TPPP: variants seen among roughly 807,000 people sequenced by gnomAD.
TPPP encodes the protein tubulin polymerization promoting protein.
A neutral mutation model predicts 15.5 loss-of-function variants in TPPP; 6 were observed. That is an observed-to-expected ratio of 0.39 (90% CI 0.21 to 0.77). The LOEUF (loss-of-function observed/expected upper bound fraction) is 0.77. TPPP is among the 30% of genes least tolerant of loss of function. The pLI is 0.42. For synonymous variants in TPPP, 146 were observed against 133.9 expected (o/e 1.09, Z -0.63); for missense variants, 269 against 307.2 (o/e 0.88, Z 0.93).
chr5:688,667 C>A (rs1740827733), intron 1 of TPPP, among the ~76,000 whole-genome samples: 1 of 142,700 alleles, frequency 7.0e-6, no homozygotes, highest in African/African-American at 2.5e-5. Context: ...ACGAAGGTGG[C>A]AGGAACAAGC....
chr5:672,544 T>C (rs1415384187), intron 2 of TPPP, among the ~76,000 whole-genome samples: 1 of 152,190 alleles, frequency 6.6e-6, no homozygotes, highest in South Asian at 2.1e-4. Context: ...GATGGACCCA[T>C]AGGGGGCCAG....
At chr5:696,806 G>A (rs56333109), upstream of TPPP, among the ~76,000 whole-genome samples, 17,211 of 106,884 alleles carry the variant, frequency 0.16, 47 homozygotes, top group African/African-American at 0.31. Flanking sequence ...GTATGTGTGA[G>A]TATGCATGCC....
At chr5:668,951 A>G (rs1287045501) in intron 2 of TPPP, among the ~76,000 whole-genome samples, 1 of 152,182 alleles carries the variant, frequency 6.6e-6, no homozygotes, top group Non-Finnish European at 1.5e-5. Flanking sequence ...CCCAAGGCGG[A>G]TGCTGTGTTT....
upstream of TPPP, among the ~76,000 whole-genome samples, chr5:693,805 C>T (rs1740965361): frequency 6.7e-6 from 1 of 149,050 alleles, no homozygotes; most frequent in Admixed American, 6.7e-5. Flanking sequence ...CGGTGCGGGG[C>T]GAGCCCCGAC....
chr5:671,119 T>C (rs768592806), intron 2 of TPPP, among the ~76,000 whole-genome samples: 4 of 152,186 alleles, frequency 2.6e-5, no homozygotes, highest in Admixed American at 2.0e-4. Context: ...TCCGGAGGTC[T>C]GGCTACCGAA....
chr5:698,947 A>G, the TPPP span, among the ~76,000 whole-genome samples: 4 of 151,974 alleles, frequency 2.6e-5, no homozygotes, highest in Non-Finnish European at 4.4e-5. Context: ...ACCTAGATAT[A>G]TATTTAACCA....
intron 1 of TPPP, among the ~76,000 whole-genome samples, chr5:692,324 C>A (rs1740906580): frequency 7.7e-6 from 1 of 129,394 alleles, no homozygotes; most frequent in African/African-American, 2.9e-5. Flanking sequence ...CTCCCAACCC[C>A]CTATCAAAAC....
rs188923984 is a variant in TPPP, at chr5:682,862, T to C, written c.-4-4798A>G. ...TGGTGGACAGGCTGTGCTCACATCA[T>C]CAGCAGTGCTGGGTCAAAGCTGGAG... On this transcript the variant is annotated intron_variant, in intron 1 of 3. Transcript: ENST00000360578. 1.6e-3 allele frequency among the ~76,000 whole-genome samples: 238 copies of C among 152,326 alleles called. 2 individuals carry two copies. The highest frequency in any genetic ancestry group is 5.4e-3 in the African/African-American group (224 of 41,570).
At chr5:686,106 A>G (rs1478529645) in intron 1 of TPPP, among the ~76,000 whole-genome samples, 2 of 152,196 alleles carry the variant, frequency 1.3e-5, no homozygotes, top group Non-Finnish European at 2.9e-5. Flanking sequence ...ATGCCCAGCC[A>G]GTGCCCACCA....
rs1739509759 is a variant in TPPP, at chr5:659,911, G to A, written c.*5191C>T. On this transcript the variant is annotated 3_prime_UTR_variant, in exon 4 of 4. Transcript: ENST00000360578. ...TCACTTTACCAACTTGACACACAAT[G>A]TTAACGACAGCAGACACAGGAGCAG... The A allele has an allele frequency of 6.6e-6, 1 of 152,358 alleles. No individual in the cohort carries two copies. Among genetic ancestry groups the A allele is most frequent in the East Asian group, 1.9e-4 (1 of 5,336 alleles). The allele number at this position is 152,358 out of a possible 1,614,324, so 9.4% of individuals were successfully genotyped here.
chr5:694,484 GGGGTGCT>G (rs1352463970), upstream of TPPP, among the ~76,000 whole-genome samples: 50 of 125,880 alleles, frequency 4.0e-4, 1 homozygote, highest in Non-Finnish European at 7.2e-4. Context: ...AGGGGAAGTT[GGGGTGCT>G]GGGTGCTGGG....
Position 664,651 on chromosome 5 carries a change from C to A in TPPP, c.*451G>T, listed in dbSNP as rs558845329. 1 of 170,414 alleles carries A rather than the reference C, an allele frequency of 5.9e-6. No individual in the cohort carries two copies. The highest frequency in any genetic ancestry group is 1.5e-4 in the South Asian group (1 of 6,500). 10.6% of individuals were successfully genotyped at this position (170,414 alleles called of 1,614,324 possible). A position where few individuals can be genotyped will look rare whatever the true frequency, so the allele number is the denominator to read the frequency against. ...CCTCGGGCCCCACAGACACCTCCCA[C>A]GTCCGGTGTGGGGCCAATTCCGTGT... On this transcript the variant is annotated 3_prime_UTR_variant, in exon 4 of 4. Coordinates refer to ENST00000360578, the MANE Select transcript of TPPP (RefSeq NM_007030.3).
chr5:695,994 G>T (rs1437261738), upstream of TPPP, among the ~76,000 whole-genome samples: 2 of 109,432 alleles, frequency 1.8e-5, no homozygotes, highest in African/African-American at 3.6e-5. Flanking sequence ...CAGGTTCTGC[G>T]TCCGCAGTTG....
chr5:687,099 C>T (rs444327), intron 1 of TPPP, among the ~76,000 whole-genome samples: 8,882 of 111,672 alleles, frequency 0.08, 1,341 homozygotes, highest in Middle Eastern at 0.13. Context: ...GCTGCAGTGA[C>T]GCAGCCACAC....
the TPPP span, among the ~76,000 whole-genome samples, chr5:700,089 C>T: frequency 6.6e-6 from 1 of 152,120 alleles, no homozygotes; most frequent in South Asian, 2.1e-4. Context: ...AACCCCACTA[C>T]TCGGTATATA....
chr5:671,056 C>A (rs981218265), intron 2 of TPPP, among the ~76,000 whole-genome samples: 2 of 152,160 alleles, frequency 1.3e-5, no homozygotes, highest in Non-Finnish European at 2.9e-5. Context: ...GCTCTAACCC[C>A]AGGCACACCC....
chr5:678,977 T>C (rs973996553), intron 1 of TPPP, among the ~76,000 whole-genome samples: 3 of 152,004 alleles, frequency 2.0e-5, no homozygotes, highest in Non-Finnish European at 4.4e-5. Context: ...ACTCAGGGCA[T>C]GAAAGCTGCT....
At position 662,104 on chromosome 5, in the gene TPPP, A is replaced by T. The variant is rs1224466053; in HGVS notation, c.*2998T>A. Reference sequence around the variant, plus strand: ...GATGCACGCCACGATTTTCTCTCTCAGAGTGAAGGGACCACTTCTGTGAAT... The same window carrying T: ...GATGCACGCCACGATTTTCTCTCTCTGAGTGAAGGGACCACTTCTGTGAAT... On this transcript the variant is annotated 3_prime_UTR_variant, in exon 4 of 4. Coordinates refer to ENST00000360578, the MANE Select transcript of TPPP (RefSeq NM_007030.3). 6.6e-6 allele frequency: 1 copy of T among 152,390 alleles called. No individual in the cohort carries two copies. The highest frequency in any genetic ancestry group is 1.5e-5 in the Non-Finnish European group (1 of 68,072). 9.4% of individuals were successfully genotyped at this position (152,390 alleles called of 1,614,324 possible).
chr5:693,769 G>GTGGGT (rs1740964223), upstream of TPPP, among the ~76,000 whole-genome samples: 5 of 150,142 alleles, frequency 3.3e-5, no homozygotes, highest in South Asian at 6.3e-4. Context: ...CTGGGGTGGG[G>GTGGGT]TGGGTTGGCG....
Sources: allele counts gnomAD v4.1 joint callset (sites outside exome capture counted in the v4.1 genomes callset), GRCh38; gene constraint gnomAD v4.1.1; transcripts MANE v1.5; gene names NCBI Gene and HGNC (gene_info 2026-07-23, HGNC 2026-07-21).